GRHL2: variants seen among roughly 807,000 people sequenced by gnomAD.
The protein encoded by GRHL2 is grainyhead like transcription factor 2, also known as grainyhead-like protein 2 homolog.
A neutral mutation model predicts 83.8 loss-of-function variants in GRHL2; 21 were observed. The observed-to-expected ratio is 0.25, with a 90% CI of 0.18 to 0.36. GRHL2 has a LOEUF of 0.36. Among genes scored for constraint, GRHL2 ranks in the 10% least tolerant of loss-of-function variants. The probability of loss-of-function intolerance (pLI) is 1.00; values close to 1 mark genes in which losing one functional copy is unlikely to be tolerated. For synonymous variants in GRHL2, 280 were observed against 278.9 expected (o/e 1.00, Z -0.04); for missense variants, 623 against 781.8 (o/e 0.80, Z 2.42).
intron 12 of GRHL2, among the ~76,000 whole-genome samples, chr8:101,641,875 A>G (rs1813408833): frequency 1.3e-5 from 2 of 152,192 alleles, no homozygotes; most frequent in African/African-American, 4.8e-5. Context: ...ACTGACACAC[A>G]TCCTCCCTTA....
chr8:101,599,600 G>A (rs919127404), intron 8 of GRHL2, among the ~76,000 whole-genome samples: 1 of 152,194 alleles, frequency 6.6e-6, no homozygotes, highest in African/African-American at 2.4e-5. Context: ...CAGGCTGCAG[G>A]TCCCTGAGCT....
At chr8:101,545,161 G>T (rs1373940873) in intron 2 of GRHL2, among the ~76,000 whole-genome samples, 1 of 152,132 alleles carries the variant, frequency 6.6e-6, no homozygotes, top group Admixed American at 6.6e-5. Context: ...TCAAATAAAT[G>T]CATCCTTTAT....
chr8:101,534,194 G>A (rs980091425), intron 1 of GRHL2, among the ~76,000 whole-genome samples: 1 of 152,140 alleles, frequency 6.6e-6, no homozygotes, highest in Non-Finnish European at 1.5e-5. Flanking sequence ...TGCACTTTCT[G>A]AGGAATCTGG....
intron 15 of GRHL2, among the ~76,000 whole-genome samples, chr8:101,666,212 G>T (rs866495761): frequency 6.6e-6 from 1 of 152,146 alleles, no homozygotes; most frequent in South Asian, 2.1e-4. Flanking sequence ...TTTTAAAAAT[G>T]CATTTTCAAG....
intron 13 of GRHL2, among the ~76,000 whole-genome samples, chr8:101,645,442 G>A (rs1010758037): frequency 6.6e-6 from 1 of 152,028 alleles, no homozygotes; most frequent in African/African-American, 2.4e-5. Context: ...AAATATGCCC[G>A]CCATCTGCAT....
chr8:101,577,432 G>A lies in GRHL2; in HGVS notation c.916G>A (p.Glu306Lys), dbSNP rs1811955728. The A allele has an allele frequency of 6.2e-7, 1 of 1,613,842 alleles. No individual in the cohort carries two copies. The highest frequency in any genetic ancestry group is 8.5e-7 in the Non-Finnish European group (1 of 1,179,754). The change falls in exon 7 of 16, where the codon GAA becomes AAA. Residue 306 changes from glutamate (E) to lysine (K), a missense_variant. Glu to Lys is a moderately conservative substitution (Grantham distance 56). Around this residue, in one of 8 missense-constraint regions of GRHL2, gnomAD observed 96 missense variants for 144.8 expected, o/e 0.66. Coordinates refer to ENST00000646743, the MANE Select transcript of GRHL2 (RefSeq NM_024915.4). The part of the protein sequence containing the change: ...VRSVVMVVFS[E>K]DKNRDEQLKY... ...GAGTGTGGTGATGGTGGTCTTCAGT[G>A]AAGACAAAAACAGAGATGAACAGCT...
intron 8 of GRHL2, among the ~76,000 whole-genome samples, chr8:101,608,730 C>CTG (rs1491145921): frequency 1.9e-5 from 1 of 52,354 alleles, no homozygotes; most frequent in Non-Finnish European, 3.2e-5. Flanking sequence ...TCTCTGCTCA[C>CTG]TCTCTCACAC....
intron 4 of GRHL2, among the ~76,000 whole-genome samples, chr8:101,563,519 G>C (rs915020809): frequency 2.6e-5 from 4 of 152,096 alleles, no homozygotes; most frequent in Admixed American, 6.6e-5. Flanking sequence ...AGTGCCTGCT[G>C]TATTCTGTGG....
chr8:101,667,286 A>T lies in GRHL2; in HGVS notation c.*583A>T. ...TGGCCACCAGGCCTTGTACAGGAAG[A>T]CATTCAGTCACCGTGTAATTAGTAA... is the stretch of plus-strand genomic sequence containing the variant. On this transcript the variant is annotated 3_prime_UTR_variant, in exon 16 of 16. Coordinates refer to ENST00000646743, the MANE Select transcript of GRHL2 (RefSeq NM_024915.4). 1 of 177,872 alleles carries T rather than the reference A, an allele frequency of 5.6e-6. No individual in the cohort carries two copies. Among genetic ancestry groups the T allele is most frequent in the South Asian group, 1.4e-4 (1 of 7,292 alleles). The allele number at this position is 177,872 out of a possible 1,614,324, so 11.0% of individuals were successfully genotyped here. A position where few individuals can be genotyped will look rare whatever the true frequency, so the allele number is the denominator to read the frequency against.
rs1814091060 is a variant in GRHL2 at position 101,667,286 on chromosome 8, ACATT to A, written c.*586_*589del. 5.6e-6 allele frequency: 1 copy of A among 177,754 alleles called. No homozygotes were observed. Among genetic ancestry groups the A allele is most frequent in the Non-Finnish European group, 1.2e-5 (1 of 81,766 alleles). 11.0% of individuals were successfully genotyped at this position (177,754 alleles called of 1,614,324 possible). A position where few individuals can be genotyped will look rare whatever the true frequency, so the allele number is the denominator to read the frequency against. ...TGGCCACCAGGCCTTGTACAGGAAG[ACATT>A]CAGTCACCGTGTAATTAGTAACACA... On this transcript the variant is annotated 3_prime_UTR_variant, in exon 16 of 16. Transcript: ENST00000646743.
At chr8:101,636,724 T>C (rs867893387) in intron 11 of GRHL2, 173 bp from the exon 12 acceptor site, 4 of 482,426 alleles carry the variant, frequency 8.3e-6, no homozygotes, top group East Asian at 6.7e-5. Flanking sequence ...TCCTTAGAAA[T>C]ACACACACAC....
chr8:101,526,525 CTTTTTT>C (rs33928032), intron 1 of GRHL2, among the ~76,000 whole-genome samples: 2 of 109,656 alleles, frequency 1.8e-5, no homozygotes, highest in Non-Finnish European at 3.5e-5. Context: ...TCTTTTTTTC[CTTTTTT>C]TTTTTTTTTT....
chr8:101,616,117 CTCTT>C (rs796929329), intron 8 of GRHL2, among the ~76,000 whole-genome samples: 26 of 143,716 alleles, frequency 1.8e-4, no homozygotes, highest in South Asian at 6.9e-4. Context: ...TTCTTTCTTC[CTCTT>C]TCTTTCTTTT....
At chr8:101,641,533 C>T (rs1813400362) in intron 12 of GRHL2, among the ~76,000 whole-genome samples, 1 of 152,112 alleles carries the variant, frequency 6.6e-6, no homozygotes, top group South Asian at 2.1e-4. Context: ...GGCCAGAGAT[C>T]CATGGTTCAG....
rs1810014744 is a variant in GRHL2 at position 101,493,442 on chromosome 8, TCCCTCCCC to T, written c.20+655_20+662del. Among the ~76,000 whole-genome samples, 11 of 9,560 alleles carry T rather than the reference TCCCTCCCC, an allele frequency of 1.2e-3. No homozygotes were observed. The South Asian group carries it at 0.043, about 37-fold the overall frequency. The allele number at this position is 9,560 out of a possible 152,430, so 6.3% of individuals were successfully genotyped here. A position where few individuals can be genotyped will look rare whatever the true frequency, so the allele number is the denominator to read the frequency against. Reference sequence around the variant, plus strand: ...CCGCCTTCCTCCCCCCTCCCCCGCCTCCCTCCCCCGGGTCCGCCCCCGCATTGTTTGGC... The same window carrying T: ...CCGCCTTCCTCCCCCCTCCCCCGCCTCGGGTCCGCCCCCGCATTGTTTGGC... On this transcript the variant is annotated intron_variant, in intron 1 of 15. Coordinates refer to ENST00000646743, the MANE Select transcript of GRHL2 (RefSeq NM_024915.4).
intron 14 of GRHL2, among the ~76,000 whole-genome samples, chr8:101,663,882 A>AT (rs1813982786): frequency 1.4e-5 from 2 of 147,432 alleles, no homozygotes; most frequent in African/African-American, 5.0e-5. Flanking sequence ...TTCCCAGTGT[A>AT]TTTTTTTGTC....
chr8:101,650,580 C>A (rs922846929), intron 14 of GRHL2, among the ~76,000 whole-genome samples: 2 of 151,764 alleles, frequency 1.3e-5, no homozygotes, highest in Admixed American at 6.6e-5. Context: ...TGGTATGATT[C>A]AATTTATAGG....
At chr8:101,652,615 T>TGTGTGTGTGTGTGTG in intron 14 of GRHL2, among the ~76,000 whole-genome samples, 1 of 120,160 alleles carries the variant, frequency 8.3e-6, no homozygotes, top group East Asian at 2.4e-4. Context: ...GTGTGTGTGG[T>TGTGTGTGTGTGTGTG]GTGTGTGTGT....
At chr8:101,650,253 A>G (rs1184582576) in intron 14 of GRHL2, among the ~76,000 whole-genome samples, 1 of 152,202 alleles carries the variant, frequency 6.6e-6, no homozygotes, top group Non-Finnish European at 1.5e-5. Flanking sequence ...TAAATGTTAA[A>G]CTATATGGGA....
Sources: allele counts gnomAD v4.1 joint callset (sites outside exome capture counted in the v4.1 genomes callset), GRCh38; gene constraint gnomAD v4.1.1; regional missense constraint gnomAD v4.1.1; transcripts MANE v1.5; gene names NCBI Gene and HGNC (gene_info 2026-07-23, HGNC 2026-07-21).